Variants in RAET1E observed in about 807,000 individuals in gnomAD.
The protein encoded by RAET1E is retinoic acid early transcript 1E, also known as NKG2D ligand 4.
RAET1E carries 27 observed loss-of-function variants against 21.1 expected under a neutral mutation model. That is an observed-to-expected ratio of 1.28 (90% confidence interval 0.94 to 1.76). RAET1E has a LOEUF of 1.76. Among genes scored for constraint, RAET1E ranks in the 40% most tolerant of loss-of-function variants. The probability of loss-of-function intolerance (pLI) is 0.00; values close to 1 mark genes in which losing one functional copy is unlikely to be tolerated. For synonymous variants in RAET1E, 113 were observed against 115.0 expected (o/e 0.98, Z 0.11); for missense variants, 310 against 311.3 (o/e 1.00, Z 0.03).
Position 149,890,126 on chromosome 6 carries a change from G to A in RAET1E, c.105C>T (p.Phe35=). Reference sequence around the variant, plus strand: ...TGGACAATGATTTTATAGTGAAGTTGAAGCAAAGAGAGTGACCACCTGTGA... The same window carrying A: ...TGGACAATGATTTTATAGTGAAGTTAAAGCAAAGAGAGTGACCACCTGTGA... ...EIMVGGHSLC[F]NFTIKSLSRP... Residue 35 remains phenylalanine (F), a synonymous_variant, in exon 4 of 6, where the codon TTC becomes TTT. Transcript: ENST00000357183. 6.2e-7 allele frequency: 1 copy of A among 1,614,148 alleles called. No individual in the cohort carries two copies. The highest frequency in any genetic ancestry group is 8.5e-7 in the Non-Finnish European group (1 of 1,180,014).
intron 2 of RAET1E, among the ~76,000 whole-genome samples, chr6:149,894,294 T>C (rs896774409): frequency 2.0e-5 from 3 of 152,354 alleles, no homozygotes; most frequent in Non-Finnish European, 1.5e-5. Context: ...TGATGTTCTC[T>C]GTATTTCCTG....
At chr6:149,894,532 C>T (rs1405042672) in intron 2 of RAET1E, among the ~76,000 whole-genome samples, 3 of 152,096 alleles carry the variant, frequency 2.0e-5, no homozygotes, top group African/African-American at 7.2e-5. Flanking sequence ...AGTTGATCTT[C>T]AATCACTGAT....
At chr6:149,888,997 G>C in intron 5 of RAET1E, 1 of 1,038,464 alleles carries the variant, frequency 9.6e-7, no homozygotes, top group Non-Finnish European at 1.3e-6. Flanking sequence ...GGTGGGGAAG[G>C]CTTCCTAAGA....
Position 149,890,025 on chromosome 6 carries a change from T to C in RAET1E, c.206A>G (p.Asn69Ser). ...CAGGAGGCCCAGAGGTTTGACCATG[T>C]TGTTGTCACTGTTGTACTGAAGGAA... ...NLFLQYNSDN[N>S]MVKPLGLLGK... is the part of the protein sequence containing the mutation. Residue 69 changes from asparagine to serine, a missense_variant, in exon 4 of 6, where the codon AAC becomes AGC. Coordinates refer to ENST00000357183, the MANE Select transcript of RAET1E (RefSeq NM_001394057.1). The C allele has an allele frequency of 6.2e-7, 1 of 1,614,162 alleles. No individual in the cohort carries two copies. The highest frequency in any genetic ancestry group is 2.2e-5 in the East Asian group (1 of 44,882).
chr6:149,897,418 C>T (rs979706292), intron 1 of RAET1E, among the ~76,000 whole-genome samples: 8 of 152,180 alleles, frequency 5.3e-5, no homozygotes, highest in Non-Finnish European at 7.3e-5. Context: ...AAGCCCGTTG[C>T]TATAAAGAAC....
At position 149,886,137 on chromosome 6, in the gene RAET1E, A is replaced by T. The variant is rs956786888; in HGVS notation, c.*2361T>A. ...TCAGAGATCAAAAAGTTCAGTGTGG[A>T]TGCCTCTAGACATTTTCTTATCTGT... On this transcript the variant is annotated 3_prime_UTR_variant, in exon 6 of 6. Coordinates refer to ENST00000357183, the MANE Select transcript of RAET1E (RefSeq NM_001394057.1). Among the ~76,000 whole-genome samples, 4 of 152,214 alleles carry T rather than the reference A, an allele frequency of 2.6e-5. No individual in the cohort carries two copies. Among genetic ancestry groups the T allele is most frequent in the Non-Finnish European group, 5.9e-5 (4 of 68,044 alleles).
At position 149,885,034 on chromosome 6, in the gene RAET1E, C is replaced by A. The variant is rs915655865; in HGVS notation, c.*3464G>T. The stretch of plus-strand genomic sequence containing the variant: ...CTGCCTCCAGCCTGCTTTGTTGGAG[C>A]CCAGGCAGCCTTCTTCATTATGTCC... On this transcript the variant is annotated 3_prime_UTR_variant, in exon 6 of 6. Transcript: ENST00000357183. 3.3e-5 allele frequency among the ~76,000 whole-genome samples: 5 copies of A among 152,162 alleles called. No individual in the cohort carries two copies. The highest frequency in any genetic ancestry group is 4.8e-5 in the African/African-American group (2 of 41,444).
chr6:149,894,986 T>C (rs1029000519), intron 2 of RAET1E, among the ~76,000 whole-genome samples: 2 of 152,206 alleles, frequency 1.3e-5, no homozygotes, highest in Non-Finnish European at 2.9e-5. Flanking sequence ...CCTTTCTGTT[T>C]GTTTCTTTTC....
intron 2 of RAET1E, among the ~76,000 whole-genome samples, chr6:149,894,587 T>G (rs1291608340): frequency 1.3e-5 from 2 of 152,204 alleles, no homozygotes; most frequent in Non-Finnish European, 2.9e-5. Flanking sequence ...TACTTGAGTA[T>G]TCTTCACAAA....
Position 149,888,339 on chromosome 6 carries a change from G to A in RAET1E, c.*159C>T. On this transcript the variant is annotated 3_prime_UTR_variant, in exon 6 of 6. Transcript: ENST00000357183. ...TGCCCCTCCTCGAGAGGAGATGATTGCTTCATCCCTCCTCTCACTGCACAT... is the reference window on the plus strand; with the variant it reads ...TGCCCCTCCTCGAGAGGAGATGATTACTTCATCCCTCCTCTCACTGCACAT... 2 of 888,560 alleles carry A rather than the reference G, an allele frequency of 2.3e-6. No homozygotes were observed. The highest frequency in any genetic ancestry group is 1.6e-5 in the South Asian group (1 of 63,710). 55.0% of individuals were successfully genotyped at this position (888,560 alleles called of 1,614,324 possible). A position where few individuals can be genotyped will look rare whatever the true frequency, so the allele number is the denominator to read the frequency against.
chr6:149,884,853 C>T lies in RAET1E; in HGVS notation c.*3645G>A, dbSNP rs377477401. On this transcript the variant is annotated 3_prime_UTR_variant, in exon 6 of 6. Transcript: ENST00000357183. Reference sequence around the variant, plus strand: ...GCACTGAGGGTGGGGCTTGGCACGACGCCATTTGCCAGGATTCCTGTGTCA... The same window carrying T: ...GCACTGAGGGTGGGGCTTGGCACGATGCCATTTGCCAGGATTCCTGTGTCA... Among the ~76,000 whole-genome samples the T allele has an allele frequency of 2.0e-5, 3 of 152,160 alleles. No individual in the cohort carries two copies. The highest frequency in any genetic ancestry group is 4.8e-5 in the African/African-American group (2 of 41,432).
At chr6:149,892,901 T>A (rs993700767) in intron 2 of RAET1E, among the ~76,000 whole-genome samples, 22 of 152,156 alleles carry the variant, frequency 1.4e-4, no homozygotes, top group Non-Finnish European at 1.3e-4. Flanking sequence ...AAGGAAGGGG[T>A]CCAGTTTCAG....
rs913351473 is a variant in RAET1E, at chr6:149,887,238, C to T, written c.*1260G>A. 2.0e-5 allele frequency among the ~76,000 whole-genome samples: 3 copies of T among 152,228 alleles called. No individual in the cohort carries two copies. The highest frequency in any genetic ancestry group is 7.2e-5 in the African/African-American group (3 of 41,462). On this transcript the variant is annotated 3_prime_UTR_variant, in exon 6 of 6. Coordinates refer to ENST00000357183, the MANE Select transcript of RAET1E (RefSeq NM_001394057.1). Reference sequence around the variant, plus strand: ...CTAAAACTGTTCTTTTGCCTCCCTTCCTACTCACCAATCCCCTTCACTATT... The same window carrying T: ...CTAAAACTGTTCTTTTGCCTCCCTTTCTACTCACCAATCCCCTTCACTATT...
Position 149,897,283 on chromosome 6 carries a change from C to A in RAET1E, c.-321+738G>T, listed in dbSNP as rs113873581. The stretch of plus-strand genomic sequence containing the variant: ...CTCCTGGGCTCAAACAATCCTCCCC[C>A]CTCAGCCTCCCAAAGTGTTGGGATT... On this transcript the variant is annotated intron_variant, in intron 1 of 5. Coordinates refer to ENST00000357183, the MANE Select transcript of RAET1E (RefSeq NM_001394057.1). 4.1e-4 allele frequency among the ~76,000 whole-genome samples: 62 copies of A among 152,290 alleles called. 1 individual carries two copies. In the Middle Eastern group the frequency reaches 0.01, roughly 25 times the overall value.
Position 149,888,669 on chromosome 6 carries a change from T to TAAAAAAAA in RAET1E, c.623-10_623-3dup, listed in dbSNP as rs3036672. ...TATCTGAAGCATTTACTGGTGACAC[T>TAAAAAAAA]AAAAAAAAAAAAAAAAAGAAAAAAA... On this transcript the variant is annotated splice_polypyrimidine_tract_variant and splice_region_variant and intron_variant, in intron 5 of 5. Coordinates refer to ENST00000357183, the MANE Select transcript of RAET1E (RefSeq NM_001394057.1). The TAAAAAAAA allele has an allele frequency of 4.6e-4, 619 of 1,338,232 alleles. 8 individuals are homozygous for TAAAAAAAA. Among genetic ancestry groups the TAAAAAAAA allele is most frequent in the Admixed American group, 1.9e-3 (52 of 26,782 alleles). The allele number at this position is 1,338,232 out of a possible 1,614,324, so 82.9% of individuals were successfully genotyped here.
intron 2 of RAET1E, among the ~76,000 whole-genome samples, chr6:149,893,595 T>C (rs1458205759): frequency 1.3e-5 from 2 of 152,228 alleles, no homozygotes; most frequent in Non-Finnish European, 2.9e-5. Context: ...CTTAAGGAGA[T>C]TTTGGGCTGA....
rs542176741 is a variant in RAET1E, at chr6:149,887,949, C to T, written c.*549G>A. ...CAGGTGTGTTGGCTCCCCCTGTAAT[C>T]CCAGCGCTTTGGGAGGCCGAGGCGG... On this transcript the variant is annotated 3_prime_UTR_variant, in exon 6 of 6. Transcript: ENST00000357183. 6.6e-6 allele frequency among the ~76,000 whole-genome samples: 1 copy of T among 152,158 alleles called. No individual in the cohort carries two copies. Among genetic ancestry groups the T allele is most frequent in the Non-Finnish European group, 1.5e-5 (1 of 68,026 alleles).
chr6:149,886,920 G>T lies in RAET1E; in HGVS notation c.*1578C>A, dbSNP rs1485077373. Among the ~76,000 whole-genome samples, 1 of 152,220 alleles carries T rather than the reference G, an allele frequency of 6.6e-6. No homozygotes were observed. The highest frequency in any genetic ancestry group is 6.5e-5 in the Admixed American group (1 of 15,278). On this transcript the variant is annotated 3_prime_UTR_variant, in exon 6 of 6. Coordinates refer to ENST00000357183, the MANE Select transcript of RAET1E (RefSeq NM_001394057.1). ...TTCCCTGGGTGCTGCTCTTCCCCGT[G>T]ACAGAGAAATCCATGCGACACAGTG...
At chr6:149,897,084 G>A (rs1778143692) in intron 1 of RAET1E, among the ~76,000 whole-genome samples, 1 of 152,206 alleles carries the variant, frequency 6.6e-6, no homozygotes, top group Non-Finnish European at 1.5e-5. Context: ...TCCAGGTGGA[G>A]TGCAGTGGCA....
Sources: allele counts gnomAD v4.1 joint callset (sites outside exome capture counted in the v4.1 genomes callset), GRCh38; gene constraint gnomAD v4.1.1; transcripts MANE v1.5; gene names NCBI Gene and HGNC (gene_info 2026-07-23, HGNC 2026-07-21).